The following SLC12A6 variants were observed in gnomAD, a reference collection of about 807,000 sequenced individuals.
SLC12A6 encodes K-Cl cotransporter 3.
Under a neutral mutation model 135.3 loss-of-function variants are expected in SLC12A6, and 66 were observed. That is an observed-to-expected ratio of 0.49 (90% CI 0.40 to 0.60). SLC12A6 has a LOEUF of 0.60. SLC12A6 is among the 20% of genes least tolerant of loss of function. The pLI is 0.00. For synonymous variants in SLC12A6, 513 were observed against 508.8 expected, an observed-to-expected ratio of 1.01 and a Z score of -0.11; for missense variants, 1,058 against 1,452.3, an observed-to-expected ratio of 0.73 and a Z score of 4.41.
At chr15:34,305,698 C>T (rs1896560661) in intron 2 of SLC12A6, among the ~76,000 whole-genome samples, 1 of 151,300 alleles carries the variant, frequency 6.6e-6, no homozygotes, top group Non-Finnish European at 1.5e-5. Flanking sequence ...ATTTTTTGTT[C>T]CATAAAGTCT....
intron 16 of SLC12A6, among the ~76,000 whole-genome samples, chr15:34,242,553 T>C (rs1171653628): frequency 6.6e-6 from 1 of 152,166 alleles, no homozygotes; most frequent in Non-Finnish European, 1.5e-5. Context: ...GAAAACCATA[T>C]AAATAACGGA....
chr15:34,318,889 T>C, intron 2 of SLC12A6: 1 of 1,299,744 alleles, frequency 7.7e-7, no homozygotes, highest in Non-Finnish European at 1.0e-6. Flanking sequence ...GTGTTTATCA[T>C]TCACTTAAAA....
intron 2 of SLC12A6, among the ~76,000 whole-genome samples, chr15:34,285,688 CTA>C (rs1371144504): frequency 7.0e-3 from 123 of 17,534 alleles, no homozygotes; most frequent in Admixed American, 0.011. Flanking sequence ...ACAAAATGTG[CTA>C]TATGTGTGTG....
intron 3 of SLC12A6, among the ~76,000 whole-genome samples, chr15:34,270,460 C>T (rs1030913538): frequency 1.3e-5 from 2 of 152,168 alleles, no homozygotes; most frequent in African/African-American, 2.4e-5. Context: ...TGTATTAGCC[C>T]TTCCTCATGC....
intron 2 of SLC12A6, among the ~76,000 whole-genome samples, chr15:34,323,461 G>A (rs1389637221): frequency 2.0e-5 from 3 of 152,164 alleles, no homozygotes; most frequent in African/African-American, 7.2e-5. Flanking sequence ...ATTCTCATAG[G>A]AGCGCCAACC....
intron 21 of SLC12A6, among the ~76,000 whole-genome samples, chr15:34,237,967 AG>A (rs1381630259): frequency 6.6e-6 from 1 of 152,244 alleles, no homozygotes; most frequent in African/African-American, 2.4e-5. Context: ...TTTTAAAAAA[AG>A]ATGTGTTCAC....
chr15:34,242,268 G>A (rs1326799297), intron 16 of SLC12A6, 47 bp from the exon 17 acceptor site: 1 of 1,450,794 alleles, frequency 6.9e-7, no homozygotes, highest in Non-Finnish European at 9.7e-7. Flanking sequence ...AGCTGAAAAA[G>A]AAGCCTATGT....
In SLC12A6 at chr15:34,302,461, C is replaced by T. The variant is rs756929590; in HGVS notation, c.272-27072G>A. Among the ~76,000 whole-genome samples the T allele has an allele frequency of 1.8e-4, 27 of 151,976 alleles. No homozygotes were observed. In the South Asian group the frequency reaches 4.2e-3, roughly 23 times the overall value. ...CTGCAATCCTGACACTTTGGGAGGC[C>T]GAGGCGGGTGGATCACTTGAGGTCA... On this transcript the variant is annotated intron_variant, in intron 2 of 25. Transcript: ENST00000354181.
chr15:34,290,479 T>C (rs1377166973), intron 2 of SLC12A6, among the ~76,000 whole-genome samples: 1 of 152,214 alleles, frequency 6.6e-6, no homozygotes, highest in African/African-American at 2.4e-5. Flanking sequence ...GAGAGTTCTG[T>C]AGATATCTAT....
rs915106362 is a variant in SLC12A6, at chr15:34,337,531, C to A, written c.-272G>T. 6.6e-6 allele frequency: 1 copy of A among 152,332 alleles called. No homozygotes were observed. Among genetic ancestry groups the A allele is most frequent in the Admixed American group, 6.5e-5 (1 of 15,286 alleles). 9.4% of individuals were successfully genotyped at this position (152,332 alleles called of 1,614,324 possible). A position where few individuals can be genotyped will look rare whatever the true frequency, so the allele number is the denominator to read the frequency against. ...GTAGCTAGTCCACTGAGCCACGGTC[C>A]GCTCGCTAGGTTTCTCCTGCGTGTG... On this transcript the variant is annotated 5_prime_UTR_variant, in exon 1 of 26. Coordinates refer to ENST00000354181, the MANE Select transcript of SLC12A6 (RefSeq NM_001365088.1).
rs1891414516 is a variant in SLC12A6 at position 34,238,328 on chromosome 15, A to G, written c.2706T>C (p.Asn902=). ...VAKNISFFPS[N]VEQFSEGNID... ...TGTTGCCCTCAGAAAATTGCTCCAC[A>G]TTGCTGGGAAAGAAGGAGATGTTTT... is the stretch of plus-strand genomic sequence containing the variant. Residue 902 remains asparagine, a synonymous_variant, in exon 21 of 26, where the codon AAT becomes AAC. Transcript: ENST00000354181. 1.9e-6 allele frequency: 3 copies of G among 1,613,760 alleles called. No homozygotes were observed. Among genetic ancestry groups the G allele is most frequent in the African/African-American group, 1.3e-5 (1 of 74,920 alleles).
chr15:34,301,266 C>T (rs941115217), intron 2 of SLC12A6, among the ~76,000 whole-genome samples: 6 of 152,086 alleles, frequency 3.9e-5, no homozygotes, highest in Admixed American at 2.6e-4. Flanking sequence ...TGTTAACTGA[C>T]TCATGTTGAA....
At chr15:34,294,490 CGT>C (rs1895749519) in intron 2 of SLC12A6, among the ~76,000 whole-genome samples, 1 of 152,170 alleles carries the variant, frequency 6.6e-6, no homozygotes, top group Non-Finnish European at 1.5e-5. Flanking sequence ...CTCTTGACCG[CGT>C]GATTCACCCA....
chr15:34,255,850 T>C (rs960549099), intron 7 of SLC12A6, among the ~76,000 whole-genome samples: 18 of 151,236 alleles, frequency 1.2e-4, no homozygotes, highest in African/African-American at 3.6e-4. Flanking sequence ...ACACCTCTAG[T>C]TCCAGCTACT....
chr15:34,303,050 AT>A (rs1210025887), intron 2 of SLC12A6, among the ~76,000 whole-genome samples: 3 of 151,718 alleles, frequency 2.0e-5, no homozygotes, highest in Admixed American at 6.6e-5. Flanking sequence ...CATATTTCAC[AT>A]TTTCATTTTA....
Position 34,239,139 on chromosome 15 carries a change from C to T in SLC12A6, c.2458G>A (p.Ala820Thr), listed in dbSNP as rs768426770. 1 of 1,613,730 alleles carries T rather than the reference C, an allele frequency of 6.2e-7. No homozygotes were observed. Among genetic ancestry groups the T allele is most frequent in the South Asian group, 1.1e-5 (1 of 91,082 alleles). ...AEQTIKHLME[A>T]EKVKGFCQLV... ...TGGCAGAATCCTTTTACCTTCTCTG[C>T]CTCCATTAGGTGCTTTATGGTCTGA... Residue 820 changes from alanine (A) to threonine (T), a missense_variant, in exon 20 of 26, where the codon GCA (alanine) becomes ACA (threonine). By Grantham distance (58) the Ala-to-Thr change is moderately conservative. Around this residue, in one of 6 missense-constraint regions of SLC12A6, gnomAD observed 245 missense variants for 440.8 expected, o/e 0.56. Transcript: ENST00000354181.
chr15:34,262,404 T>G (rs1004136381), intron 3 of SLC12A6, among the ~76,000 whole-genome samples: 1 of 151,866 alleles, frequency 6.6e-6, no homozygotes, highest in African/African-American at 2.4e-5. Context: ...ATAAAATTAT[T>G]CTCCGCCCTC....
At chr15:34,308,630 C>CAAAAAAAAAAAA (rs536506096) in intron 2 of SLC12A6, among the ~76,000 whole-genome samples, 2 of 63,334 alleles carry the variant, frequency 3.2e-5, no homozygotes, top group African/African-American at 1.0e-4. Flanking sequence ...GTCCACCTGA[C>CAAAAAAAAAAAA]AAAAAAAAAA....
chr15:34,324,548 A>G (rs1889337056), intron 2 of SLC12A6, among the ~76,000 whole-genome samples: 1 of 152,216 alleles, frequency 6.6e-6, no homozygotes, highest in Non-Finnish European at 1.5e-5. Context: ...CTGCAACTTA[A>G]TATGTTACAC....
Sources: gnomAD v4.1 joint callset for allele counts (sites outside exome capture counted in the v4.1 genomes callset) on GRCh38, gnomAD v4.1.1 for gene constraint, gnomAD v4.1.1 regional missense constraint, MANE v1.5 for transcripts, NCBI Gene and HGNC (gene_info 2026-07-23, HGNC 2026-07-21) for gene names.